The following KCTD8 variants were observed in gnomAD, a reference collection of about 807,000 sequenced individuals.
The protein encoded by KCTD8 is potassium channel tetramerization domain containing 8.
In KCTD8, 27 loss-of-function variants were observed where a neutral mutation model predicts 31.5. The observed-to-expected ratio is 0.86, with a 90% CI of 0.63 to 1.18. The LOEUF (loss-of-function observed/expected upper bound fraction) is 1.18, where lower values mean the gene tolerates loss of function less well. KCTD8 is among the 50% of genes most tolerant of loss of function. The probability of loss-of-function intolerance (pLI) is 0.00; values close to 1 mark genes in which losing one functional copy is unlikely to be tolerated. For missense variants in KCTD8, 658 were observed against 647.7 expected (o/e 1.02, Z -0.17); for synonymous variants, 290 against 280.0 (o/e 1.04, Z -0.36).
intron 1 of KCTD8, among the ~76,000 whole-genome samples, chr4:44,218,838 A>G (rs1050509624): frequency 3.9e-5 from 6 of 152,160 alleles, no homozygotes; most frequent in African/African-American, 1.4e-4. Context: ...AATAAATTAT[A>G]AAATGTTGCT....
intron 1 of KCTD8, among the ~76,000 whole-genome samples, chr4:44,312,374 G>A (rs1299877888): frequency 2.0e-5 from 3 of 152,066 alleles, no homozygotes; most frequent in Non-Finnish European, 4.4e-5. Context: ...AATCTCTGGG[G>A]ATCAATAATC....
intron 1 of KCTD8, among the ~76,000 whole-genome samples, chr4:44,420,852 TAA>T (rs994721364): frequency 2.0e-5 from 3 of 151,926 alleles, no homozygotes; most frequent in African/African-American, 7.3e-5. Context: ...AAGAGCTAAA[TAA>T]AAGAGTCAGA....
intron 1 of KCTD8, among the ~76,000 whole-genome samples, chr4:44,262,298 T>C (rs80078846): frequency 0.079 from 11,994 of 151,908 alleles, 632 homozygotes; most frequent in Non-Finnish European, 0.11. Context: ...TTTCAAAGTA[T>C]TTTCTCAACC....
In KCTD8 at chr4:44,265,763, C is replaced by T. The variant is rs535712846; in HGVS notation, c.962-90513G>A. 4.8e-4 allele frequency among the ~76,000 whole-genome samples: 73 copies of T among 151,908 alleles called. 1 individual carries two copies. The highest frequency in any genetic ancestry group is 6.8e-3 in the Middle Eastern group (2 of 294). ...TGAAGAATGCAGAAGCCTCAGGAGCCGACGCAATCAACTGGAAGAAAGGGT... is the reference window on the plus strand; with the variant it reads ...TGAAGAATGCAGAAGCCTCAGGAGCTGACGCAATCAACTGGAAGAAAGGGT... On this transcript the variant is annotated intron_variant, in intron 1 of 1. Transcript: ENST00000360029.
chr4:44,191,792 C>A (rs2109335096), intron 1 of KCTD8, among the ~76,000 whole-genome samples: 1 of 152,240 alleles, frequency 6.6e-6, no homozygotes, highest in South Asian at 2.1e-4. Context: ...TGAACGTAGA[C>A]CCTCATCAGT....
At chr4:44,383,130 G>A (rs995673504) in intron 1 of KCTD8, among the ~76,000 whole-genome samples, 1 of 151,394 alleles carries the variant, frequency 6.6e-6, no homozygotes, top group Non-Finnish European at 1.5e-5. Flanking sequence ...AAAGATCTCT[G>A]CAAAAAAACC....
At chr4:44,237,292 G>C (rs1010831416) in intron 1 of KCTD8, among the ~76,000 whole-genome samples, 2 of 151,974 alleles carry the variant, frequency 1.3e-5, no homozygotes, top group South Asian at 2.1e-4. Context: ...ACATCTGACT[G>C]GTGAGTGATT....
intron 1 of KCTD8, among the ~76,000 whole-genome samples, chr4:44,186,774 C>A (rs989467357): frequency 6.6e-6 from 1 of 152,184 alleles, no homozygotes; most frequent in Non-Finnish European, 1.5e-5. Flanking sequence ...GAGAGTTTTT[C>A]CTTTTCGTCT....
chr4:44,436,518 T>C (rs1176179510), intron 1 of KCTD8, among the ~76,000 whole-genome samples: 1 of 152,132 alleles, frequency 6.6e-6, no homozygotes, highest in Non-Finnish European at 1.5e-5. Flanking sequence ...GAAATATGAT[T>C]ATGAATGATG....
At chr4:44,239,349 C>T in intron 1 of KCTD8, among the ~76,000 whole-genome samples, 1 of 152,208 alleles carries the variant, frequency 6.6e-6, no homozygotes, top group East Asian at 1.9e-4. Flanking sequence ...AGCTTGCCCA[C>T]TTACTGGCTG....
intron 1 of KCTD8, among the ~76,000 whole-genome samples, chr4:44,359,815 C>A (rs910214800): frequency 1.3e-5 from 2 of 151,982 alleles, no homozygotes; most frequent in African/African-American, 4.8e-5. Flanking sequence ...TTAAAATTTG[C>A]ATGTAGTTTT....
chr4:44,447,280 G>C (rs1330716211), intron 1 of KCTD8, among the ~76,000 whole-genome samples: 1 of 152,256 alleles, frequency 6.6e-6, no homozygotes, highest in African/African-American at 2.4e-5. Context: ...TCTGGGAGCG[G>C]GCTGGGCCGA....
At chr4:44,311,955 T>G (rs1331620120) in intron 1 of KCTD8, among the ~76,000 whole-genome samples, 1 of 151,564 alleles carries the variant, frequency 6.6e-6, no homozygotes, top group Middle Eastern at 3.2e-3. Context: ...CCCACACTTT[T>G]GTAGACACCC....
chr4:44,320,704 G>C lies in KCTD8; in HGVS notation c.961+126859C>G, dbSNP rs141201292. On this transcript the variant is annotated intron_variant, in intron 1 of 1. Transcript: ENST00000360029. ...TGGGATGCACAACAGTAAAGCAGTA[G>C]CTGTGTTTTAATAAATGAAAACAAT... 3.7e-3 allele frequency among the ~76,000 whole-genome samples: 562 copies of C among 151,894 alleles called. 1 individual carries two copies. Among genetic ancestry groups the C allele is most frequent in the African/African-American group, 0.013 (537 of 41,430 alleles).
chr4:44,300,788 T>C (rs925298662), intron 1 of KCTD8, among the ~76,000 whole-genome samples: 38 of 152,080 alleles, frequency 2.5e-4, no homozygotes, highest in Non-Finnish European at 4.7e-4. Context: ...CATATGTATA[T>C]ATGTGCCATG....
intron 1 of KCTD8, among the ~76,000 whole-genome samples, chr4:44,257,887 T>TTAA (rs1716034353): frequency 6.6e-6 from 1 of 152,004 alleles, no homozygotes; most frequent in South Asian, 2.1e-4. Flanking sequence ...TCCCATTTTA[T>TTAA]TAATATAAGA....
chr4:44,346,886 A>G (rs1285933576), intron 1 of KCTD8, among the ~76,000 whole-genome samples: 1 of 152,218 alleles, frequency 6.6e-6, no homozygotes, highest in Non-Finnish European at 1.5e-5. Flanking sequence ...AGTAAAGTAT[A>G]TATTTGGAAG....
At chr4:44,324,165 T>A (rs1156435939) in intron 1 of KCTD8, among the ~76,000 whole-genome samples, 2 of 151,914 alleles carry the variant, frequency 1.3e-5, no homozygotes, top group South Asian at 2.1e-4. Flanking sequence ...AAATATTTAA[T>A]GGCAGGATAG....
At chr4:44,371,528 G>C (rs1179508105) in intron 1 of KCTD8, among the ~76,000 whole-genome samples, 1 of 152,144 alleles carries the variant, frequency 6.6e-6, no homozygotes, top group East Asian at 1.9e-4. Flanking sequence ...ATGGAATATA[G>C]GTAGTCGTTA....
Sources: gnomAD v4.1 joint callset for allele counts (sites outside exome capture counted in the v4.1 genomes callset) on GRCh38, gnomAD v4.1.1 for gene constraint, MANE v1.5 for transcripts, NCBI Gene and HGNC (gene_info 2026-07-23, HGNC 2026-07-21) for gene names.